The following BTN2A1 variants were observed in gnomAD, a reference collection of about 807,000 sequenced individuals.
BTN2A1 encodes butyrophilin, subfamily 2, member A1.
Under a neutral mutation model 34.5 loss-of-function variants are expected in BTN2A1, and 41 were observed. The observed-to-expected ratio is 1.19, with a 90% CI of 0.93 to 1.54. BTN2A1 has a LOEUF of 1.54. Ranked by LOEUF, BTN2A1 falls within the 40% of genes most tolerant of loss-of-function variation. BTN2A1 has a pLI of 0.00. For missense variants in BTN2A1, 642 were observed against 662.0 expected (o/e 0.97, Z 0.33); for synonymous variants, 267 against 258.6 (o/e 1.03, Z -0.31).
chr6:26,474,757 C>CT (rs11445433), intron 7 of BTN2A1, among the ~76,000 whole-genome samples: 85,654 of 142,340 alleles, frequency 0.6, 27,235 homozygotes, highest in East Asian at 0.76. Flanking sequence ...GCAAAGACTC[C>CT]TTTTTTTTTT....
chr6:26,465,540 A>G lies in BTN2A1; in HGVS notation c.934+134A>G, dbSNP rs6922353. ...AGTGAGACCCTGTTTAATTAAAAAAAAAAAGAAAAGAAAAAGAGTAGAAGG... is the reference window on the plus strand; with the variant it reads ...AGTGAGACCCTGTTTAATTAAAAAAGAAAAGAAAAGAAAAAGAGTAGAAGG... On this transcript the variant is annotated intron_variant, in intron 5 of 7. Transcript: ENST00000312541. 2.2e-5 allele frequency: 19 copies of G among 849,694 alleles called. No individual in the cohort carries two copies. In the African/African-American group the frequency reaches 2.6e-4, roughly 12 times the overall value. The allele number at this position is 849,694 out of a possible 1,614,324, so 52.6% of individuals were successfully genotyped here. A position where few individuals can be genotyped will look rare whatever the true frequency, so the allele number is the denominator to read the frequency against.
intron 3 of BTN2A1, among the ~76,000 whole-genome samples, chr6:26,462,007 T>A (rs1763178903): frequency 8.1e-6 from 1 of 123,162 alleles, no homozygotes; most frequent in African/African-American, 3.3e-5. Flanking sequence ...GGCGATAGAG[T>A]GAGACTGTGT....
downstream of BTN2A1, among the ~76,000 whole-genome samples, chr6:26,474,383 C>T (rs144544140): frequency 1.3e-5 from 2 of 152,290 alleles, no homozygotes; most frequent in Middle Eastern, 3.4e-3. Flanking sequence ...GATGGCTGCC[C>T]GATCGTTCTG....
exon 8 of BTN2A1, chr6:26,476,195 A>T: frequency 6.5e-7 from 1 of 1,532,372 alleles, no homozygotes; most frequent in South Asian, 1.2e-5. Context: ...GCCTGGTTTG[A>T]AAATCTCCAC....
intron 5 of BTN2A1, 37 bp downstream of exon 5, chr6:26,465,443 T>G: frequency 3.8e-6 from 6 of 1,598,988 alleles, no homozygotes; most frequent in Non-Finnish European, 5.1e-6. Context: ...ATGGCTTGAA[T>G]CCCAGCACTG....
chr6:26,461,915 G>C (rs1763176501), intron 3 of BTN2A1, among the ~76,000 whole-genome samples: 1 of 152,130 alleles, frequency 6.6e-6, no homozygotes, highest in Non-Finnish European at 1.5e-5. Flanking sequence ...CAGCTACTTG[G>C]GAGGCTGAGG....
At chr6:26,465,776 G>A (rs1295287316) in intron 5 of BTN2A1, 177 bp from the exon 6 acceptor site, 9 of 976,460 alleles carry the variant, frequency 9.2e-6, no homozygotes, top group African/African-American at 3.5e-5. Context: ...GTAACAATGT[G>A]CTGGTACTAC....
At chr6:26,463,603 G>A (rs1344187328) in intron 4 of BTN2A1, 78 bp downstream of exon 4, 2 of 1,507,258 alleles carry the variant, frequency 1.3e-6, no homozygotes, top group Non-Finnish European at 1.8e-6. Flanking sequence ...AACGGGGATG[G>A]GGGCAGCAGT....
At chr6:26,469,771 G>A (rs529656671), downstream of BTN2A1, 1 of 152,196 alleles carries the variant, frequency 6.6e-6, no homozygotes, top group South Asian at 2.1e-4. Flanking sequence ...CCTAGTGACA[G>A]AATGAGATTA....
rs764085206 is a variant in BTN2A1, at chr6:26,458,679, C to T, written c.43C>T (p.Leu15Phe). 27 of 1,538,842 alleles carry T rather than the reference C, an allele frequency of 1.8e-5. No individual in the cohort carries two copies. Among genetic ancestry groups the T allele is most frequent in the Admixed American group, 3.5e-5 (2 of 56,890 alleles). ...AALHFSRPAS[L>F]LLLLLSLCAL... Reference sequence around the variant, plus strand: ...CCTGCACTTCTCCCGGCCAGCCTCCCTCCTCCTCCTCCTCCTCAGCCTGTG... The same window carrying T: ...CCTGCACTTCTCCCGGCCAGCCTCCTTCCTCCTCCTCCTCCTCAGCCTGTG... Residue 15 changes from leucine to phenylalanine, a missense_variant, in exon 2 of 8, where the codon CTC becomes TTC. By Grantham distance (22) the Leu-to-Phe change is conservative. Coordinates refer to ENST00000312541, the MANE Select transcript of BTN2A1 (RefSeq NM_007049.5).
At chr6:26,466,198 G>A (rs866719406) in intron 7 of BTN2A1, 110 bp downstream of exon 7, 14 of 1,532,070 alleles carry the variant, frequency 9.1e-6, no homozygotes, top group Middle Eastern at 2.3e-4. Flanking sequence ...GGGACAGCAG[G>A]GAACGGGGGT....
At chr6:26,464,096 C>T (rs986645851) in intron 4 of BTN2A1, among the ~76,000 whole-genome samples, 1 of 152,122 alleles carries the variant, frequency 6.6e-6, no homozygotes, top group Non-Finnish European at 1.5e-5. Context: ...GCCACCATAC[C>T]CGGCCAGCAA....
chr6:26,463,604 G>C (rs1763233184), intron 4 of BTN2A1, 79 bp downstream of exon 4: 1 of 1,501,704 alleles, frequency 6.7e-7, no homozygotes, highest in African/African-American at 1.4e-5. Context: ...ACGGGGATGG[G>C]GGCAGCAGTG....
downstream of BTN2A1, among the ~76,000 whole-genome samples, chr6:26,472,292 C>T (rs1439577781): frequency 2.0e-5 from 3 of 152,152 alleles, no homozygotes; most frequent in African/African-American, 4.8e-5. Context: ...CACCCTCAAG[C>T]AATTGGCTCA....
chr6:26,460,004 G>A (rs1763120775), intron 3 of BTN2A1, among the ~76,000 whole-genome samples, 176 bp downstream of exon 3: 1 of 151,964 alleles, frequency 6.6e-6, no homozygotes, highest in South Asian at 2.1e-4. Flanking sequence ...AGGGACACAT[G>A]AGTGGGTTTG....
At position 26,465,974 on chromosome 6, in the gene BTN2A1, G is replaced by T. The variant is rs145303049; in HGVS notation, c.955+1G>T. 1 of 1,614,070 alleles carries T rather than the reference G, an allele frequency of 6.2e-7. No homozygotes were observed. The highest frequency in any genetic ancestry group is 8.5e-7 in the Non-Finnish European group (1 of 1,180,038). The stretch of plus-strand genomic sequence containing the variant: ...TCAGAGAAACTTCAAGAAGAATTGC[G>T]TAAGTTTAGCCTTTCCTTAACTACA... On this transcript the variant is annotated splice_donor_variant, in intron 6 of 7. Transcript: ENST00000312541. LOFTEE classifies it high-confidence loss of function.
At chr6:26,462,018 C>CA (rs1554136470) in intron 3 of BTN2A1, among the ~76,000 whole-genome samples, 9 of 34,188 alleles carry the variant, frequency 2.6e-4, no homozygotes, top group East Asian at 1.4e-3. Flanking sequence ...GAGACTGTGT[C>CA]AAAAAAAAAA....
exon 8 of BTN2A1, chr6:26,476,184 A>G: frequency 1.3e-6 from 2 of 1,536,014 alleles, no homozygotes; most frequent in Non-Finnish European, 1.7e-6. Context: ...TGCTGATGGC[A>G]GCCTGGTTTG....
Position 26,468,872 on chromosome 6 carries a change from A to C in BTN2A1, c.*323A>C. 1 of 1,421,472 alleles carries C rather than the reference A, an allele frequency of 7.0e-7. No individual in the cohort carries two copies. The highest frequency in any genetic ancestry group is 9.3e-7 in the Non-Finnish European group (1 of 1,071,566). The allele number at this position is 1,421,472 out of a possible 1,614,324, so 88.1% of individuals were successfully genotyped here. On this transcript the variant is annotated 3_prime_UTR_variant, in exon 8 of 8. Transcript: ENST00000312541. ...TGCTGTTTAACATCAGGGTGACCACATTAAGCCCAGTATTCCAGTTGGCAC... is the reference window on the plus strand; with the variant it reads ...TGCTGTTTAACATCAGGGTGACCACCTTAAGCCCAGTATTCCAGTTGGCAC...
Sources: gnomAD v4.1 joint callset for allele counts (sites outside exome capture counted in the v4.1 genomes callset) on GRCh38, gnomAD v4.1.1 for gene constraint, MANE v1.5 for transcripts, NCBI Gene and HGNC (gene_info 2026-07-23, HGNC 2026-07-21) for gene names.